Variants in INTS10 observed in about 807,000 individuals in gnomAD.
The protein encoded by INTS10 is chromosome 8 open reading frame 35.
In INTS10, 44 loss-of-function variants were observed where a neutral mutation model predicts 94.4. The observed-to-expected ratio is 0.47, with a 90% CI of 0.37 to 0.60. INTS10 has a LOEUF of 0.60. Ranked by LOEUF, INTS10 falls within the 20% of genes least tolerant of loss-of-function variation. The probability of loss-of-function intolerance (pLI) is 0.00; values close to 1 mark genes in which losing one functional copy is unlikely to be tolerated. For missense variants in INTS10, 797 were observed against 868.7 expected, an observed-to-expected ratio of 0.92 and a Z score of 1.04; for synonymous variants, 341 against 320.7, an observed-to-expected ratio of 1.06 and a Z score of -0.68.
At chr8:19,836,999 A>G (rs1448887963) in intron 12 of INTS10, 53 bp from the exon 13 acceptor site, 5 of 1,158,990 alleles carry the variant, frequency 4.3e-6, no homozygotes, top group South Asian at 2.5e-5. Context: ...ACTTTATTTG[A>G]TTTCAGTTCA....
chr8:19,832,475 C>T (rs367768806), intron 11 of INTS10, among the ~76,000 whole-genome samples: 3 of 152,052 alleles, frequency 2.0e-5, no homozygotes, highest in South Asian at 2.1e-4. Flanking sequence ...GAGGCTGAGG[C>T]GGGAGGATCA....
chr8:19,830,644 ATTAAG>A, intron 10 of INTS10, 85 bp downstream of exon 10: 1 of 1,259,396 alleles, frequency 7.9e-7, no homozygotes, highest in Non-Finnish European at 1.1e-6. Flanking sequence ...CTTACGGCAA[ATTAAG>A]TTGATTACAG....
chr8:19,840,378 T>C (rs999100339), intron 13 of INTS10, among the ~76,000 whole-genome samples: 3 of 152,200 alleles, frequency 2.0e-5, no homozygotes, highest in Non-Finnish European at 4.4e-5. Context: ...TTCAATGCAA[T>C]TTCAAGCAAA....
At chr8:19,847,113 T>C (rs2068643129) in intron 16 of INTS10, among the ~76,000 whole-genome samples, 1 of 152,348 alleles carries the variant, frequency 6.6e-6, no homozygotes, top group South Asian at 2.1e-4. Flanking sequence ...GTAGCAAACA[T>C]TTCTTTTTGT....
chr8:19,836,356 G>C (rs2128789555), intron 12 of INTS10, among the ~76,000 whole-genome samples: 1 of 152,246 alleles, frequency 6.6e-6, no homozygotes, highest in South Asian at 2.1e-4. Context: ...AGGGAGCGGT[G>C]ATGCAGACTG....
intron 3 of INTS10, 132 bp from the exon 4 acceptor site, chr8:19,820,247 G>C (rs911911019): frequency 2.6e-6 from 2 of 766,832 alleles, no homozygotes; most frequent in South Asian, 3.0e-5. Flanking sequence ...CCAGGTTGTA[G>C]GTGAAACTTA....
At chr8:19,827,599 T>C (rs139201064) in intron 9 of INTS10, among the ~76,000 whole-genome samples, 108 of 152,234 alleles carry the variant, frequency 7.1e-4, no homozygotes, top group Non-Finnish European at 1.4e-3. Flanking sequence ...GGAATTCTCA[T>C]TGATCCCTCC....
intron 7 of INTS10, 30 bp downstream of exon 7, chr8:19,824,074 T>C (rs774248512): frequency 1.3e-6 from 2 of 1,530,550 alleles, no homozygotes; most frequent in Admixed American, 4.0e-5. Flanking sequence ...CAGAATTGCC[T>C]ATTGATTCTT....
intron 12 of INTS10, among the ~76,000 whole-genome samples, chr8:19,833,937 G>A (rs750040780): frequency 5.9e-5 from 9 of 151,508 alleles, no homozygotes; most frequent in East Asian, 5.8e-4. Flanking sequence ...AACCTGGGAG[G>A]TGGAGGTTGC....
At chr8:19,819,896 G>T (rs2066235273) in intron 3 of INTS10, among the ~76,000 whole-genome samples, 1 of 152,182 alleles carries the variant, frequency 6.6e-6, no homozygotes, top group African/African-American at 2.4e-5. Flanking sequence ...GGAATTAATT[G>T]TATATATTTT....
intron 6 of INTS10, among the ~76,000 whole-genome samples, 193 bp from the exon 7 acceptor site, chr8:19,823,680 G>A (rs1436787698): frequency 1.3e-5 from 2 of 152,134 alleles, no homozygotes; most frequent in African/African-American, 2.4e-5. Context: ...CATTACAAAT[G>A]TACCATGATG....
chr8:19,822,437 A>G lies in INTS10; in HGVS notation c.442-2A>G. On this transcript the variant is annotated splice_acceptor_variant, in intron 4 of 16. Coordinates refer to ENST00000397977, the MANE Select transcript of INTS10 (RefSeq NM_018142.4). LOFTEE classifies it high-confidence loss of function. ...TAAATGAGTAATTTTGTTTTGAAATAGGTTGGCCTTGGGGAGGCACTATTA... is the reference window on the plus strand; with the variant it reads ...TAAATGAGTAATTTTGTTTTGAAATGGGTTGGCCTTGGGGAGGCACTATTA... The G allele has an allele frequency of 6.3e-7, 1 of 1,592,320 alleles. No homozygotes were observed. Among genetic ancestry groups the G allele is most frequent in the Non-Finnish European group, 8.6e-7 (1 of 1,161,396 alleles).
chr8:19,825,407 T>C (rs2066716453), intron 8 of INTS10, among the ~76,000 whole-genome samples: 1 of 151,676 alleles, frequency 6.6e-6, no homozygotes, highest in African/African-American at 2.4e-5. Context: ...GCACCTGTAA[T>C]CCCAGCTACT....
At chr8:19,836,452 G>A (rs1275634771) in intron 12 of INTS10, among the ~76,000 whole-genome samples, 1 of 152,162 alleles carries the variant, frequency 6.6e-6, no homozygotes, top group African/African-American at 2.4e-5. Context: ...CTGTGTCCTA[G>A]ACCAAACCGC....
rs778600996 is a variant in INTS10, at chr8:19,820,490, G to A, written c.413G>A (p.Arg138His). The stretch of plus-strand genomic sequence containing the variant: ...GAAATGTTGCTTCTACTTTTGAGGC[G>A]CTTCCCTGAAACGGTGGTGCAGCAT... ...RSEMLLLLLR[R>H]FPETVVQHGV... The change falls in exon 4 of 17, where the codon CGC becomes CAC. Residue 138 changes from arginine (R) to histidine (H), a missense_variant. This residue lies in a region of INTS10 where 734 missense variants were observed against 787.8 expected (regional missense o/e 0.93). Transcript: ENST00000397977. 3.1e-6 allele frequency: 5 copies of A among 1,612,416 alleles called. No individual in the cohort carries two copies. In the South Asian group the frequency reaches 3.3e-5, roughly 11 times the overall value.
At chr8:19,839,615 T>C (rs915043235) in intron 13 of INTS10, among the ~76,000 whole-genome samples, 1 of 152,128 alleles carries the variant, frequency 6.6e-6, no homozygotes, top group Non-Finnish European at 1.5e-5. Context: ...GGAGGATCGC[T>C]TGAGCCCAGG....
intron 13 of INTS10, among the ~76,000 whole-genome samples, chr8:19,841,608 A>G (rs1342330130): frequency 6.6e-6 from 1 of 152,172 alleles, no homozygotes; most frequent in Non-Finnish European, 1.5e-5. Flanking sequence ...AAAACAATAA[A>G]CTACCATTTC....
At chr8:19,822,374 A>G (rs1301276605) in intron 4 of INTS10, 65 bp from the exon 5 acceptor site, 11 of 888,948 alleles carry the variant, frequency 1.2e-5, no homozygotes, top group Non-Finnish European at 2.0e-5. Flanking sequence ...ATACCCCATT[A>G]CTTCATATAG....
At chr8:19,839,199 G>C (rs954455548) in intron 13 of INTS10, among the ~76,000 whole-genome samples, 4 of 152,112 alleles carry the variant, frequency 2.6e-5, no homozygotes, top group Admixed American at 6.5e-5. Context: ...AAAAATCTTA[G>C]CAAACTAGGA....
Sources: gnomAD v4.1 joint callset for allele counts (sites outside exome capture counted in the v4.1 genomes callset) on GRCh38, gnomAD v4.1.1 for gene constraint, gnomAD v4.1.1 regional missense constraint, MANE v1.5 for transcripts, NCBI Gene and HGNC (gene_info 2026-07-23, HGNC 2026-07-21) for gene names.